PHKB: variants seen among roughly 807,000 people sequenced by gnomAD.
The protein encoded by PHKB is phosphorylase kinase regulatory subunit beta.
PHKB carries 122 observed loss-of-function variants against 152.1 expected under a neutral mutation model. That is an observed-to-expected ratio of 0.80 (90% CI 0.69 to 0.93). PHKB has a LOEUF of 0.93. Ranked by LOEUF, PHKB falls within the 40% of genes least tolerant of loss-of-function variation. PHKB has a pLI of 0.00. For missense variants in PHKB, 1,304 were observed against 1,328.4 expected (o/e 0.98, Z 0.29); for synonymous variants, 436 against 464.9 (o/e 0.94, Z 0.80).
At chr16:47,681,348 C>G (rs1973851218) in intron 26 of PHKB, among the ~76,000 whole-genome samples, 1 of 148,550 alleles carries the variant, frequency 6.7e-6, no homozygotes, top group African/African-American at 2.4e-5. Flanking sequence ...TCTCGTTGAT[C>G]TGTCAAATGT....
intron 17 of PHKB, 147 bp downstream of exon 17, chr16:47,648,763 C>A: frequency 2.9e-6 from 2 of 685,002 alleles, no homozygotes; most frequent in Non-Finnish European, 5.4e-6. Context: ...GTAAACATTA[C>A]TTATTTAGCA....
intron 6 of PHKB, among the ~76,000 whole-genome samples, chr16:47,541,192 T>G (rs1486886702): frequency 6.6e-6 from 1 of 152,056 alleles, no homozygotes; most frequent in African/African-American, 2.4e-5. Flanking sequence ...TTCCCCACCC[T>G]GTGTCCAAGT....
chr16:47,543,613 GTGAATCCATC>G (rs750222322), intron 6 of PHKB, among the ~76,000 whole-genome samples: 11 of 152,184 alleles, frequency 7.2e-5, no homozygotes, highest in Non-Finnish European at 1.3e-4. Context: ...CAATTCGGCT[GTGAATCCATC>G]TGGTCCTGGA....
intron 14 of PHKB, among the ~76,000 whole-genome samples, chr16:47,624,627 T>C (rs375694678): frequency 2.0e-5 from 3 of 152,320 alleles, no homozygotes; most frequent in South Asian, 2.1e-4. Flanking sequence ...GCTGTTCCAA[T>C]TGATATTCAG....
chr16:47,559,784 A>T (rs957686558), intron 7 of PHKB, among the ~76,000 whole-genome samples: 3 of 152,248 alleles, frequency 2.0e-5, no homozygotes, highest in Admixed American at 2.0e-4. Context: ...CACTAAGGCC[A>T]GCCCATAGTC....
chr16:47,487,719 A>T (rs1006619695), intron 1 of PHKB, among the ~76,000 whole-genome samples: 1 of 152,102 alleles, frequency 6.6e-6, no homozygotes, highest in Non-Finnish European at 1.5e-5. Context: ...CTTTGCATTA[A>T]TTTGCTTAGA....
chr16:47,667,426 C>T (rs1044715730), intron 25 of PHKB, among the ~76,000 whole-genome samples: 1 of 151,968 alleles, frequency 6.6e-6, no homozygotes, highest in African/African-American at 2.4e-5. Context: ...AATACCCTGT[C>T]GTTTAAAGAA....
intron 14 of PHKB, 53 bp from the exon 15 acceptor site, chr16:47,640,982 A>G: frequency 6.8e-7 from 1 of 1,468,328 alleles, no homozygotes. Context: ...ATTGTAGCTG[A>G]TGATGACCAG....
chr16:47,671,890 A>G (rs1303350775), intron 26 of PHKB, among the ~76,000 whole-genome samples: 1 of 152,176 alleles, frequency 6.6e-6, no homozygotes, highest in Non-Finnish European at 1.5e-5. Flanking sequence ...ATATACCGAC[A>G]TTTATGAATG....
chr16:47,557,176 C>A (rs1971388712), intron 7 of PHKB, among the ~76,000 whole-genome samples: 1 of 152,082 alleles, frequency 6.6e-6, no homozygotes, highest in African/African-American at 2.4e-5. Context: ...AACTGGCTAG[C>A]CATATGTAGA....
intron 11 of PHKB, among the ~76,000 whole-genome samples, chr16:47,593,914 A>T (rs1344453651): frequency 6.6e-6 from 1 of 152,214 alleles, no homozygotes; most frequent in East Asian, 1.9e-4. Context: ...GGAAAATTCA[A>T]TTAAAATTCA....
intron 1 of PHKB, among the ~76,000 whole-genome samples, chr16:47,495,418 A>G (rs1970215299): frequency 6.6e-6 from 1 of 152,152 alleles, no homozygotes; most frequent in Non-Finnish European, 1.5e-5. Flanking sequence ...TAATGGAATT[A>G]TATACTCAGC....
At chr16:47,627,734 T>A (rs1339146986) in intron 14 of PHKB, among the ~76,000 whole-genome samples, 1 of 152,248 alleles carries the variant, frequency 6.6e-6, no homozygotes, top group South Asian at 2.1e-4. Flanking sequence ...TCCTCTGATA[T>A]TTCTACTTAA....
intron 22 of PHKB, 115 bp downstream of exon 22, chr16:47,660,934 G>A (rs530183117): frequency 7.8e-6 from 8 of 1,028,678 alleles, no homozygotes; most frequent in South Asian, 6.5e-5. Flanking sequence ...TAATCTGGAG[G>A]TGGATGACTT....
At position 47,470,680 on chromosome 16, in the gene PHKB, A is replaced by T. The variant is rs567420737; in HGVS notation, c.76+9254A>T. Among the ~76,000 whole-genome samples, 640 of 152,286 alleles carry T rather than the reference A, an allele frequency of 4.2e-3. 6 individuals carry two copies. Among genetic ancestry groups the T allele is most frequent in the African/African-American group, 0.015 (610 of 41,542 alleles). The stretch of plus-strand genomic sequence containing the variant: ...CACCCAAACTCTGGCAGACCCTATT[A>T]CCCAGCCACTGCTGCCTTCCTTCTC... On this transcript the variant is annotated intron_variant, in intron 1 of 30. Coordinates refer to ENST00000323584, the MANE Select transcript of PHKB (RefSeq NM_000293.3).
intron 18 of PHKB, among the ~76,000 whole-genome samples, chr16:47,650,120 TA>T (rs1425434024): frequency 6.6e-6 from 1 of 151,998 alleles, no homozygotes; most frequent in Non-Finnish European, 1.5e-5. Context: ...TAGGCTTTTT[TA>T]AAAAAGGAGG....
intron 4 of PHKB, chr16:47,505,363 A>C (rs1324337920): frequency 2.6e-5 from 4 of 152,014 alleles, no homozygotes; most frequent in African/African-American, 7.3e-5. Context: ...TTGATACAGG[A>C]GGAGGGCGGC....
chr16:47,598,835 C>G, intron 13 of PHKB: 1 of 1,605,506 alleles, frequency 6.2e-7, no homozygotes, highest in Non-Finnish European at 8.5e-7. Context: ...TTAACCATAG[C>G]CAGCTTCTCA....
At chr16:47,569,168 T>C (rs967845465) in intron 7 of PHKB, among the ~76,000 whole-genome samples, 3 of 152,206 alleles carry the variant, frequency 2.0e-5, no homozygotes, top group African/African-American at 7.2e-5. Flanking sequence ...TTCTTAGGTC[T>C]AGCAGAATTT....
Sources: gnomAD v4.1 joint callset for allele counts (sites outside exome capture counted in the v4.1 genomes callset) on GRCh38, gnomAD v4.1.1 for gene constraint, MANE v1.5 for transcripts, NCBI Gene and HGNC (gene_info 2026-07-23, HGNC 2026-07-21) for gene names.